The following HDAC9 variants were observed in gnomAD, a reference collection of about 807,000 sequenced individuals.
The protein encoded by HDAC9 is histone deacetylase 9, also known as MEF-2 interacting transcription repressor (MITR) protein.
Under a neutral mutation model 139.4 loss-of-function variants are expected in HDAC9, and 41 were observed. The observed-to-expected ratio is 0.29, with a 90% CI of 0.23 to 0.38. The LOEUF is 0.38. Ranked by LOEUF, HDAC9 falls within the 10% of genes least tolerant of loss-of-function variation. HDAC9 has a pLI of 1.00. For missense variants in HDAC9, 1,147 were observed against 1,297.0 expected, an observed-to-expected ratio of 0.88 and a Z score of 1.78; for synonymous variants, 517 against 476.2, an observed-to-expected ratio of 1.09 and a Z score of -1.12.
intron 1 of HDAC9, among the ~76,000 whole-genome samples, chr7:18,477,825 C>T (rs1268652103): frequency 6.6e-6 from 1 of 152,100 alleles, no homozygotes; most frequent in Non-Finnish European, 1.5e-5. Context: ...GACTCACAGC[C>T]TGTAACTACC....
intron 22 of HDAC9, among the ~76,000 whole-genome samples, chr7:18,907,978 G>A (rs892181828): frequency 6.6e-6 from 1 of 151,900 alleles, no homozygotes; most frequent in Non-Finnish European, 1.5e-5. Flanking sequence ...ATTTTTCCAG[G>A]ATAGAATGTT....
intron 2 of HDAC9, among the ~76,000 whole-genome samples, chr7:18,181,106 C>T (rs1259704862): frequency 6.6e-6 from 1 of 151,972 alleles, no homozygotes; most frequent in Non-Finnish European, 1.5e-5. Context: ...CTGGGAAGTC[C>T]TTTTTTTTCC....
intron 12 of HDAC9, chr7:18,668,549 A>G: frequency 2.0e-6 from 2 of 976,940 alleles, no homozygotes; most frequent in Non-Finnish European, 2.4e-6. Flanking sequence ...ACTATTTTTT[A>G]TAATGTCATT....
chr7:18,593,898 T>A lies in HDAC9; in HGVS notation c.543-10T>A, dbSNP rs1383836533. On this transcript the variant is annotated splice_polypyrimidine_tract_variant and intron_variant, in intron 5 of 25. Coordinates refer to ENST00000686413, the MANE Select transcript of HDAC9 (RefSeq NM_178425.4). ...CCAAGTAAATAGTGAAACTTCCTTG[T>A]CTTTTCTAGGGCTGCCCACCACACA... The A allele has an allele frequency of 1.1e-5, 17 of 1,612,086 alleles. No individual in the cohort carries two copies. The highest frequency in any genetic ancestry group is 1.4e-5 in the Non-Finnish European group (17 of 1,178,674).
At chr7:18,727,856 C>A in intron 13 of HDAC9, 99 bp downstream of exon 13, 1 of 987,710 alleles carries the variant, frequency 1.0e-6, no homozygotes, top group Non-Finnish European at 1.4e-6. Flanking sequence ...AATAGCAGAA[C>A]ACTCCATTTT....
chr7:18,643,633 C>T (rs954346960), intron 8 of HDAC9, among the ~76,000 whole-genome samples: 4 of 152,018 alleles, frequency 2.6e-5, no homozygotes, highest in Non-Finnish European at 5.9e-5. Context: ...TAATTGATAT[C>T]CCAGGTTTGT....
intron 21 of HDAC9, among the ~76,000 whole-genome samples, chr7:18,857,335 T>TTG (rs375575248): frequency 0.028 from 3,911 of 140,950 alleles, 86 homozygotes; most frequent in African/African-American, 0.065. Flanking sequence ...TATGTTTTAG[T>TTG]TGTGTGTGTG....
At chr7:18,627,934 A>T (rs953128464) in intron 6 of HDAC9, among the ~76,000 whole-genome samples, 2 of 142,754 alleles carry the variant, frequency 1.4e-5, no homozygotes, top group Admixed American at 1.3e-4. Flanking sequence ...CCAAGAAAAC[A>T]TATAATGCAA....
intron 1 of HDAC9, among the ~76,000 whole-genome samples, chr7:18,114,969 T>A (rs1180254426): frequency 1.3e-5 from 2 of 152,152 alleles, no homozygotes; most frequent in Non-Finnish European, 2.9e-5. Flanking sequence ...GCATAGAGTA[T>A]AGATTAGAAG....
At chr7:18,731,634 A>AT (rs1034303914) in intron 13 of HDAC9, among the ~76,000 whole-genome samples, 2 of 151,928 alleles carry the variant, frequency 1.3e-5, no homozygotes, top group East Asian at 1.9e-4. Context: ...TTTAAAGATA[A>AT]TTTTTTTTGA....
At chr7:18,328,414 A>G (rs1800637548) in intron 1 of HDAC9, among the ~76,000 whole-genome samples, 1 of 151,936 alleles carries the variant, frequency 6.6e-6, no homozygotes, top group African/African-American at 2.4e-5. Flanking sequence ...CTCACCAGAT[A>G]TTAGTGTATA....
intron 12 of HDAC9, among the ~76,000 whole-genome samples, chr7:18,706,795 T>A (rs566955405): frequency 6.6e-6 from 1 of 152,184 alleles, no homozygotes; most frequent in Non-Finnish European, 1.5e-5. Flanking sequence ...TCAAGAGTGC[T>A]GAGTTTCAGA....
At chr7:18,250,514 C>G (rs1298441785) in intron 2 of HDAC9, among the ~76,000 whole-genome samples, 1 of 152,160 alleles carries the variant, frequency 6.6e-6, no homozygotes, top group African/African-American at 2.4e-5. Flanking sequence ...GTGGGTATTC[C>G]TTGGTAGTCT....
At chr7:18,977,705 G>A (rs1016083062) in intron 25 of HDAC9, among the ~76,000 whole-genome samples, 2 of 152,150 alleles carry the variant, frequency 1.3e-5, no homozygotes, top group Non-Finnish European at 2.9e-5. Context: ...GTCAAAGAGT[G>A]TAGCCTGGTT....
intron 22 of HDAC9, among the ~76,000 whole-genome samples, chr7:18,886,255 C>T (rs1442905161): frequency 1.3e-5 from 2 of 152,204 alleles, no homozygotes; most frequent in East Asian, 3.8e-4. Context: ...TTTCCACCTG[C>T]ACTGTTTAGT....
intron 2 of HDAC9, among the ~76,000 whole-genome samples, chr7:18,246,664 T>C (rs1794556150): frequency 6.6e-6 from 1 of 151,994 alleles, no homozygotes; most frequent in Non-Finnish European, 1.5e-5. Flanking sequence ...AGTGAAGTAA[T>C]GGGGGCTGAG....
intron 21 of HDAC9, among the ~76,000 whole-genome samples, chr7:18,842,255 T>G (rs1013223161): frequency 1.3e-5 from 2 of 152,028 alleles, no homozygotes; most frequent in African/African-American, 4.8e-5. Flanking sequence ...AGAAAGAGGG[T>G]GGAGTTTCTT....
At chr7:18,471,274 C>G (rs976971849) in intron 1 of HDAC9, among the ~76,000 whole-genome samples, 1 of 152,170 alleles carries the variant, frequency 6.6e-6, no homozygotes, top group Admixed American at 6.6e-5. Flanking sequence ...TCACTCTCGG[C>G]ATACAGTGAT....
At chr7:18,778,317 A>G (rs573619709) in intron 16 of HDAC9, among the ~76,000 whole-genome samples, 1 of 152,144 alleles carries the variant, frequency 6.6e-6, no homozygotes, top group Non-Finnish European at 1.5e-5. Flanking sequence ...ACACAGCTAT[A>G]CATAGTATTT....
Sources: allele counts gnomAD v4.1 joint callset (sites outside exome capture counted in the v4.1 genomes callset), GRCh38; gene constraint gnomAD v4.1.1; transcripts MANE v1.5; gene names NCBI Gene and HGNC (gene_info 2026-07-23, HGNC 2026-07-21).